ATR: variants seen among roughly 807,000 people sequenced by gnomAD.
ATR encodes serine/threonine-protein kinase ATR.
ATR carries 142 observed loss-of-function variants against 305.3 expected under a neutral mutation model. That is an observed-to-expected ratio of 0.47 (90% confidence interval 0.41 to 0.53). The LOEUF is 0.53. ATR is among the 20% of genes least tolerant of loss of function. ATR has a pLI of 0.00. For synonymous variants in ATR, 1,050 were observed against 1,068.1 expected (o/e 0.98, Z 0.33); for missense variants, 2,135 against 3,133.1 (o/e 0.68, Z 7.60).
chr3:142,503,245 C>G lies in ATR; in HGVS notation c.5288+117G>C. Reference sequence around the variant, plus strand: ...AAAATGTTGGTGCTTATCTCCAATACCATGAAAACACATAAAACATTTATT... The same window carrying G: ...AAAATGTTGGTGCTTATCTCCAATAGCATGAAAACACATAAAACATTTATT... On this transcript the variant is annotated intron_variant, in intron 30 of 46. Transcript: ENST00000350721. 3 of 745,296 alleles carry G rather than the reference C, an allele frequency of 4.0e-6. No homozygotes were observed. In the East Asian group the frequency reaches 8.4e-5, roughly 21 times the overall value. 46.2% of individuals were successfully genotyped at this position (745,296 alleles called of 1,614,324 possible).
chr3:142,451,234 G>A, intron 46 of ATR: 1 of 1,194,744 alleles, frequency 8.4e-7, no homozygotes. Context: ...TCCAGATGCA[G>A]GTGTGCAAGC....
At chr3:142,486,979 AAAC>A (rs1265099569) in intron 35 of ATR, among the ~76,000 whole-genome samples, 1 of 149,878 alleles carries the variant, frequency 6.7e-6, no homozygotes, top group Non-Finnish European at 1.5e-5. Flanking sequence ...AAAAAAAAAA[AAAC>A]AATTAGCCGG....
In ATR at chr3:142,563,035, T is replaced by C. The variant is rs747978304; in HGVS notation, c.367A>G (p.Ile123Val). The C allele has an allele frequency of 2.5e-5, 40 of 1,599,354 alleles. 1 individual carries two copies. The highest frequency in any genetic ancestry group is 3.4e-5 in the Non-Finnish European group (40 of 1,175,564). Reference sequence around the variant, plus strand: ...AATAATGAACAGATGACTTCACAGATTTTCTTGTGTAACAAATGACAGGAG... The same window carrying C: ...AATAATGAACAGATGACTTCACAGACTTTCTTGTGTAACAAATGACAGGAG... ...TPSCHLLHKKICEVICSLLFL... is the reference protein window; with the variant it reads ...TPSCHLLHKKVCEVICSLLFL... The change falls in exon 4 of 47, where the codon ATC becomes GTC. Residue 123 changes from isoleucine to valine, a missense_variant. By Grantham distance (29) the Ile-to-Val change is conservative. Transcript: ENST00000350721.
chr3:142,492,975 G>A (rs2031376876), intron 35 of ATR, among the ~76,000 whole-genome samples, 157 bp downstream of exon 35: 1 of 152,132 alleles, frequency 6.6e-6, no homozygotes, highest in Admixed American at 6.5e-5. Context: ...GCAGTTTCAT[G>A]AGTATATTTA....
At chr3:142,533,421 G>A (rs1471650298) in intron 21 of ATR, among the ~76,000 whole-genome samples, 4 of 152,196 alleles carry the variant, frequency 2.6e-5, no homozygotes, top group African/African-American at 9.7e-5. Flanking sequence ...GAAGAGTATA[G>A]ATATAGAATA....
At chr3:142,480,091 AAAGTCATTCTCTG>A (rs1245048278) in intron 36 of ATR, among the ~76,000 whole-genome samples, 1 of 152,168 alleles carries the variant, frequency 6.6e-6, no homozygotes, top group East Asian at 1.9e-4. Context: ...TCAACTCGTC[AAAGTCATTCTCTG>A]TCCAGCTTTG....
chr3:142,503,026 C>T (rs745565577), intron 30 of ATR, among the ~76,000 whole-genome samples: 1 of 152,208 alleles, frequency 6.6e-6, no homozygotes, highest in Non-Finnish European at 1.5e-5. Flanking sequence ...CAACCTCTAG[C>T]ACGGAAAATA....
intron 45 of ATR, among the ~76,000 whole-genome samples, chr3:142,456,135 G>A (rs995798745): frequency 6.6e-6 from 1 of 152,080 alleles, no homozygotes; most frequent in African/African-American, 2.4e-5. Flanking sequence ...GGGCAACATG[G>A]CAAAACCCCT....
At chr3:142,576,150 T>C (rs1275829897) in intron 1 of ATR, among the ~76,000 whole-genome samples, 1 of 152,166 alleles carries the variant, frequency 6.6e-6, no homozygotes, top group Non-Finnish European at 1.5e-5. Flanking sequence ...ATCTTAAACA[T>C]ATGGTTGTCA....
At chr3:142,567,120 T>G (rs901477353) in intron 2 of ATR, among the ~76,000 whole-genome samples, 1 of 152,046 alleles carries the variant, frequency 6.6e-6, no homozygotes, top group East Asian at 1.9e-4. Flanking sequence ...TTATCAAACA[T>G]GTACTTCAGG....
At chr3:142,463,933 G>A (rs1198359324) in intron 41 of ATR, among the ~76,000 whole-genome samples, 1 of 152,140 alleles carries the variant, frequency 6.6e-6, no homozygotes, top group Non-Finnish European at 1.5e-5. Flanking sequence ...TCTTTCCACA[G>A]TATAGATCAA....
At position 142,555,965 on chromosome 3, in the gene ATR, A is replaced by G. The variant is rs2108470775; in HGVS notation, c.2253T>C (p.His751=). 1 of 1,613,940 alleles carries G rather than the reference A, an allele frequency of 6.2e-7. No individual in the cohort carries two copies. The highest frequency in any genetic ancestry group is 1.7e-4 in the Middle Eastern group (1 of 6,058). The change falls in exon 10 of 47, where the codon CAT becomes CAC. Residue 751 remains histidine (H), a synonymous_variant. Coordinates refer to ENST00000350721, the MANE Select transcript of ATR (RefSeq NM_001184.4). ...FCRNLKATSQ[H]ECSSSQLKAS... is the part of the protein sequence containing the mutation. Reference sequence around the variant, plus strand: ...CTTTTAGTTGAGAAGATGAACATTCATGTTGAGAAGTGGCTTTCAAGTTCC... The same window carrying G: ...CTTTTAGTTGAGAAGATGAACATTCGTGTTGAGAAGTGGCTTTCAAGTTCC...
rs780538224 is a variant in ATR, at chr3:142,558,557, A to AATAGATAG, written c.1885+59_1885+66dup. Reference sequence around the variant, plus strand: ...AAATAAATAAATAAATAAATAAATAAATAGATAGATAGATAGATAGATAGA... The same window carrying AATAGATAG: ...AAATAAATAAATAAATAAATAAATAAATAGATAGATAGATAGATAGATAGATAGATAGA... On this transcript the variant is annotated intron_variant, in intron 8 of 46. Transcript: ENST00000350721. 1.6e-3 allele frequency: 982 copies of AATAGATAG among 620,076 alleles called. 10 individuals are homozygous for AATAGATAG. The highest frequency in any genetic ancestry group is 0.01 in the African/African-American group (405 of 39,216). 38.4% of individuals were successfully genotyped at this position (620,076 alleles called of 1,614,324 possible). A position where few individuals can be genotyped will look rare whatever the true frequency, so the allele number is the denominator to read the frequency against.
At chr3:142,509,281 A>C (rs2032422286) in intron 27 of ATR, among the ~76,000 whole-genome samples, 1 of 152,078 alleles carries the variant, frequency 6.6e-6, no homozygotes, top group Non-Finnish European at 1.5e-5. Context: ...ATCCTGCCTC[A>C]GCCTCCCGAG....
At chr3:142,542,995 G>A (rs1313474200) in intron 16 of ATR, among the ~76,000 whole-genome samples, 4 of 152,112 alleles carry the variant, frequency 2.6e-5, no homozygotes, top group Admixed American at 6.5e-5. Context: ...TGATTAAACA[G>A]TACAGTACAA....
rs117022292 is a variant in ATR at position 142,564,869 on chromosome 3, A to G, written c.292+1252T>C. Among the ~76,000 whole-genome samples the G allele has an allele frequency of 6.0e-4, 91 of 152,038 alleles. 1 individual carries two copies. In the East Asian group the frequency reaches 0.015, roughly 25 times the overall value. ...CAGGCTAAAGCAATTAGTGTGCCTC[A>G]GCCTTCCAAGTAGCTTGTACCACAG... On this transcript the variant is annotated intron_variant, in intron 3 of 46. Transcript: ENST00000350721.
intron 15 of ATR, among the ~76,000 whole-genome samples, chr3:142,548,624 G>A (rs1417534451): frequency 6.6e-6 from 1 of 150,602 alleles, no homozygotes; most frequent in East Asian, 1.9e-4. Flanking sequence ...AGCCGAGATC[G>A]TGCCACTGCA....
chr3:142,564,998 C>T (rs936858708), intron 3 of ATR, among the ~76,000 whole-genome samples: 4 of 152,086 alleles, frequency 2.6e-5, no homozygotes, highest in South Asian at 2.1e-4. Context: ...AGGCTGGTCT[C>T]GAACTCCCAA....
chr3:142,553,885 A>G lies in ATR; in HGVS notation c.2472T>C (p.Phe824=). ...EDPDKDVRVA[F]SGNIKHILES... is the part of the protein sequence containing the mutation. ...CCAATATGTGCTTGATATTTCCACT[A>G]AAAGCCACTCTAACATCTTTGTCTG... is the stretch of plus-strand genomic sequence containing the variant. The change falls in exon 11 of 47, where the codon TTT becomes TTC. Residue 824 remains phenylalanine, a synonymous_variant. Coordinates refer to ENST00000350721, the MANE Select transcript of ATR (RefSeq NM_001184.4). 1 of 1,613,544 alleles carries G rather than the reference A, an allele frequency of 6.2e-7. No homozygotes were observed. The highest frequency in any genetic ancestry group is 8.5e-7 in the Non-Finnish European group (1 of 1,179,666).
Sources: allele counts gnomAD v4.1 joint callset (sites outside exome capture counted in the v4.1 genomes callset), GRCh38; gene constraint gnomAD v4.1.1; transcripts MANE v1.5; gene names NCBI Gene and HGNC (gene_info 2026-07-23, HGNC 2026-07-21).